IQUB: variants seen among roughly 807,000 people sequenced by gnomAD.
IQUB encodes the protein IQ motif and ubiquitin-like domain-containing protein.
A neutral mutation model predicts 86.4 loss-of-function variants in IQUB; 86 were observed. The ratio of observed to expected loss-of-function variants is 1.00; its 90% confidence interval spans 0.84 to 1.19. IQUB has a LOEUF of 1.19. IQUB is among the 50% of genes most tolerant of loss of function. The pLI, the probability that IQUB is intolerant of heterozygous loss-of-function variation, is 0.00. For synonymous variants in IQUB, 289 were observed against 304.5 expected (o/e 0.95, Z 0.53); for missense variants, 946 against 916.9 (o/e 1.03, Z -0.41).
intron 2 of IQUB, among the ~76,000 whole-genome samples, chr7:123,511,519 C>T (rs1471072290): frequency 8.5e-5 from 13 of 152,106 alleles, no homozygotes; most frequent in African/African-American, 1.2e-4. Flanking sequence ...GTAGAATAAG[C>T]GAGCACTGGA....
At chr7:123,529,703 T>C (rs912152890) in intron 1 of IQUB, among the ~76,000 whole-genome samples, 3 of 94,138 alleles carry the variant, frequency 3.2e-5, no homozygotes, top group Non-Finnish European at 5.8e-5. Context: ...CTGGCCAACA[T>C]AGTGAAACCC....
rs764834852 is a variant in IQUB at position 123,503,338 on chromosome 7, A to G, written c.558T>C (p.Thr186=). 6.5e-7 allele frequency: 1 copy of G among 1,535,680 alleles called. No individual in the cohort carries two copies. The highest frequency in any genetic ancestry group is 8.8e-7 in the Non-Finnish European group (1 of 1,140,616). ...GTGGCTTAACTCCATGTTGTACTAG[A>G]GTCTCATTATTTTTAAGAATTTTTC... ...YSGKILKNNE[T]LVQHGVKPQE... Residue 186 remains threonine (T), a synonymous_variant, in exon 4 of 13, where the codon ACT becomes ACC. Transcript: ENST00000324698.
intron 1 of IQUB, among the ~76,000 whole-genome samples, chr7:123,515,172 G>A (rs1457781514): frequency 1.3e-5 from 2 of 152,014 alleles, no homozygotes; most frequent in South Asian, 4.1e-4. Context: ...TCCTGTAACA[G>A]AGCTTAATGG....
chr7:123,523,631 A>C (rs921460200), intron 1 of IQUB, among the ~76,000 whole-genome samples: 1 of 151,138 alleles, frequency 6.6e-6, no homozygotes, highest in African/African-American at 2.4e-5. Context: ...AGGTTGCGAA[A>C]ATTTTCTCCC....
intron 7 of IQUB, among the ~76,000 whole-genome samples, chr7:123,492,778 T>C (rs563399085): frequency 6.6e-6 from 1 of 152,220 alleles, no homozygotes; most frequent in Non-Finnish European, 1.5e-5. Context: ...AAACTCACCA[T>C]CCTGAGGATC....
chr7:123,507,844 C>T (rs1047077333), intron 3 of IQUB, among the ~76,000 whole-genome samples: 3 of 149,134 alleles, frequency 2.0e-5, no homozygotes, highest in African/African-American at 7.4e-5. Context: ...TGACTCCAGC[C>T]TGGACAACAG....
At chr7:123,511,708 A>T (rs1796420695) in intron 2 of IQUB, among the ~76,000 whole-genome samples, 1 of 152,224 alleles carries the variant, frequency 6.6e-6, no homozygotes, top group Non-Finnish European at 1.5e-5. Context: ...TATAAATATC[A>T]ATTTTTAAAT....
In IQUB at chr7:123,452,767, T is replaced by C. The variant is rs767390612; in HGVS notation, c.2352A>G (p.Ile784Met). The change falls in exon 13 of 13, where the codon ATA becomes ATG. Residue 784 changes from isoleucine to methionine, a missense_variant. Ile to Met is a conservative substitution (Grantham distance 10, BLOSUM62 1). Coordinates refer to ENST00000324698, the MANE Select transcript of IQUB (RefSeq NM_178827.5). ...CCTAATGAGGAGGCCTCTGGGATTC[T>C]ATAATCTTAGGTGTTGTGTCTGAGT... ...KYHSDTTPKI[I>M]ESQRPPH is the part of the protein sequence containing the mutation. The C allele has an allele frequency of 5.6e-6, 9 of 1,612,878 alleles. No homozygotes were observed. Among genetic ancestry groups the C allele is most frequent in the South Asian group, 2.2e-5 (2 of 90,930 alleles).
rs1424694448 is a variant in IQUB, at chr7:123,509,567, G to A, written c.532+334C>T. Among the ~76,000 whole-genome samples, 4 of 152,114 alleles carry A rather than the reference G, an allele frequency of 2.6e-5. No homozygotes were observed. In the East Asian group the frequency reaches 7.7e-4, roughly 29 times the overall value. On this transcript the variant is annotated intron_variant, in intron 3 of 12. Transcript: ENST00000324698. Reference sequence around the variant, plus strand: ...AATGAAACTTTCTAGAATCTACCAAGTTCCTTCCCCTGTTCCCACAGCTTT... The same window carrying A: ...AATGAAACTTTCTAGAATCTACCAAATTCCTTCCCCTGTTCCCACAGCTTT...
At chr7:123,457,610 GT>G (rs758799554) in intron 11 of IQUB, 44 bp from the exon 12 acceptor site, 3 of 1,402,752 alleles carry the variant, frequency 2.1e-6, no homozygotes, top group South Asian at 1.3e-5. Flanking sequence ...GTTTAAATTT[GT>G]TTAAGATTAT....
intron 1 of IQUB, among the ~76,000 whole-genome samples, chr7:123,528,788 T>C (rs1797385004): frequency 6.6e-6 from 1 of 152,244 alleles, no homozygotes; most frequent in Non-Finnish European, 1.5e-5. Context: ...CAAACATGAC[T>C]ATGATTTAAA....
At chr7:123,465,231 T>C (rs1406242291) in intron 9 of IQUB, among the ~76,000 whole-genome samples, 3 of 151,862 alleles carry the variant, frequency 2.0e-5, no homozygotes, top group African/African-American at 7.2e-5. Context: ...ATCTTACAAA[T>C]TAATTTTAAG....
intron 1 of IQUB, among the ~76,000 whole-genome samples, chr7:123,514,155 T>G (rs1016133197): frequency 2.6e-5 from 4 of 152,190 alleles, no homozygotes; most frequent in Admixed American, 6.5e-5. Context: ...ATATAACATC[T>G]GCTGTTTTGA....
chr7:123,479,844 A>G lies in IQUB; in HGVS notation c.1361T>C (p.Ile454Thr), dbSNP rs1223326667. 6.2e-7 allele frequency: 1 copy of G among 1,613,042 alleles called. No individual in the cohort carries two copies. The highest frequency in any genetic ancestry group is 2.2e-5 in the East Asian group (1 of 44,826). The change falls in exon 8 of 13, where the codon ATT becomes ACT. Residue 454 changes from isoleucine (I) to threonine (T), a missense_variant. By Grantham distance (89) the Ile-to-Thr change is moderately conservative. Coordinates refer to ENST00000324698, the MANE Select transcript of IQUB (RefSeq NM_178827.5). Reference sequence around the variant, plus strand: ...TGCTTCCTGATTTGCCATATAAGCAATGTATCTATGTCTCCCAATGGAAGC... The same window carrying G: ...TGCTTCCTGATTTGCCATATAAGCAGTGTATCTATGTCTCCCAATGGAAGC... The part of the protein sequence containing the change: ...IIASIGRHRY[I>T]AYMANQEAAI...
intron 7 of IQUB, among the ~76,000 whole-genome samples, chr7:123,481,876 C>T (rs576904635): frequency 1.3e-5 from 2 of 151,842 alleles, no homozygotes; most frequent in Middle Eastern, 3.4e-3. Context: ...CAAAACAAAG[C>T]GTAACAGTTA....
intron 1 of IQUB, among the ~76,000 whole-genome samples, chr7:123,527,906 C>G (rs1359241020): frequency 6.6e-6 from 1 of 152,222 alleles, no homozygotes; most frequent in Non-Finnish European, 1.5e-5. Context: ...GGGCGCCCCT[C>G]CCCCAGCCTC....
At chr7:123,453,034 A>C in intron 12 of IQUB, 109 bp from the exon 13 acceptor site, 1 of 769,660 alleles carries the variant, frequency 1.3e-6, no homozygotes, top group East Asian at 2.7e-5. Flanking sequence ...ATCCCAGACT[A>C]CCTTTATTTT....
intron 8 of IQUB, among the ~76,000 whole-genome samples, chr7:123,470,342 T>C (rs75141429): frequency 3.6e-4 from 55 of 152,320 alleles, no homozygotes; most frequent in African/African-American, 1.2e-3. Context: ...AACAAGACTA[T>C]GTTGATCATG....
chr7:123,524,054 T>C (rs918016144), intron 1 of IQUB, among the ~76,000 whole-genome samples: 8 of 143,866 alleles, frequency 5.6e-5, no homozygotes, highest in Non-Finnish European at 9.2e-5. Flanking sequence ...TTCTGTTCCA[T>C]TGATCTATAT....
Sources: allele counts gnomAD v4.1 joint callset (sites outside exome capture counted in the v4.1 genomes callset), GRCh38; gene constraint gnomAD v4.1.1; transcripts MANE v1.5; gene names NCBI Gene and HGNC (gene_info 2026-07-23, HGNC 2026-07-21).